Variants in LOC400499 observed in about 807,000 individuals in gnomAD.
chr16:11,505,829 C>T, the LOC400499 span, among the ~76,000 whole-genome samples: 32 of 152,114 alleles, frequency 2.1e-4, no homozygotes, highest in African/African-American at 7.0e-4. Context: ...CTAATCAAAT[C>T]AGGATAATTG....
chr16:11,405,195 G>A, the LOC400499 span, among the ~76,000 whole-genome samples: 2 of 152,222 alleles, frequency 1.3e-5, no homozygotes, highest in Non-Finnish European at 2.9e-5. Flanking sequence ...GCCAGAAAGT[G>A]TCAACCTTTG....
the LOC400499 span, among the ~76,000 whole-genome samples, chr16:11,436,376 T>C: frequency 2.0e-5 from 3 of 151,894 alleles, no homozygotes; most frequent in African/African-American, 7.3e-5. Flanking sequence ...GGGGTGAACA[T>C]GTAGCTAGTC....
At chr16:11,487,037 G>T in the LOC400499 span, among the ~76,000 whole-genome samples, 1 of 151,988 alleles carries the variant, frequency 6.6e-6, no homozygotes, top group Non-Finnish European at 1.5e-5. Context: ...GAGCAGGTCA[G>T]TGGATAGATG....
the LOC400499 span, among the ~76,000 whole-genome samples, chr16:11,465,799 G>C: frequency 8.1e-6 from 1 of 123,410 alleles, no homozygotes; most frequent in Non-Finnish European, 1.6e-5. Flanking sequence ...GAGAGAGGGG[G>C]AAAGAGACTG....
chr16:11,388,764 C>G, the LOC400499 span, among the ~76,000 whole-genome samples: 2 of 152,232 alleles, frequency 1.3e-5, no homozygotes, highest in Non-Finnish European at 2.9e-5. Context: ...TCCACTCTCC[C>G]TTGCAGGCAT....
At chr16:11,383,322 C>T in the LOC400499 span, among the ~76,000 whole-genome samples, 2 of 152,154 alleles carry the variant, frequency 1.3e-5, no homozygotes, top group Non-Finnish European at 2.9e-5. Flanking sequence ...CCACCTCAGC[C>T]TCCCAAAGTG....
chr16:11,376,941 C>CTTTT, the LOC400499 span, among the ~76,000 whole-genome samples: 30 of 142,948 alleles, frequency 2.1e-4, no homozygotes, highest in Non-Finnish European at 2.9e-4. Flanking sequence ...TGTAAATGGA[C>CTTTT]TTTTTTTTTT....
chr16:11,463,851 G>T, the LOC400499 span, among the ~76,000 whole-genome samples: 2 of 152,118 alleles, frequency 1.3e-5, no homozygotes, highest in African/African-American at 4.8e-5. Context: ...ATGTATGTGT[G>T]TAAAGAGATG....
the LOC400499 span, among the ~76,000 whole-genome samples, chr16:11,440,562 C>G: frequency 1.1e-4 from 16 of 152,314 alleles, no homozygotes; most frequent in East Asian, 2.9e-3. Flanking sequence ...GTCAATGCAT[C>G]CTGACTAATC....
chr16:11,485,613 T>C, the LOC400499 span, among the ~76,000 whole-genome samples: 2 of 152,194 alleles, frequency 1.3e-5, no homozygotes, highest in Non-Finnish European at 2.9e-5. Flanking sequence ...CACGCATCCA[T>C]CCATCCATCT....
chr16:11,392,040 CA>C, the LOC400499 span: 1 of 401,828 alleles, frequency 2.5e-6, no homozygotes, highest in Non-Finnish European at 4.4e-6. Flanking sequence ...CAGAGGCACC[CA>C]AGCCTTGAAC....
At chr16:11,457,767 C>T in the LOC400499 span, among the ~76,000 whole-genome samples, 1 of 152,168 alleles carries the variant, frequency 6.6e-6, no homozygotes, top group Non-Finnish European at 1.5e-5. Flanking sequence ...AAGCAACCCA[C>T]ATGTCCATCA....
chr16:11,449,017 G>T, the LOC400499 span: 6 of 1,524,100 alleles, frequency 3.9e-6, no homozygotes, highest in Non-Finnish European at 5.3e-6. Context: ...TTCTCAGCAT[G>T]GATCTCGCCC....
the LOC400499 span, among the ~76,000 whole-genome samples, chr16:11,438,553 T>G: frequency 6.8e-6 from 1 of 147,616 alleles, no homozygotes; most frequent in Non-Finnish European, 1.5e-5. Context: ...AGAGGATCAC[T>G]TGAGCCCAGG....
chr16:11,449,143 C>T, the LOC400499 span: 1 of 1,382,940 alleles, frequency 7.2e-7, no homozygotes, highest in Non-Finnish European at 9.6e-7. Flanking sequence ...AAGGCCTTTG[C>T]ACACCCTATT....
the LOC400499 span, among the ~76,000 whole-genome samples, chr16:11,427,350 C>CAAAAAAAA: frequency 2.6e-5 from 1 of 38,842 alleles, no homozygotes; most frequent in Non-Finnish European, 7.7e-5. Context: ...CTCCATCTCA[C>CAAAAAAAA]AAAAAAAAAA....
the LOC400499 span, chr16:11,396,447 G>C: frequency 8.2e-7 from 1 of 1,226,914 alleles, no homozygotes; most frequent in South Asian, 4.1e-5. Context: ...GCTGGCCAGG[G>C]AGGAACCGCA....
chr16:11,453,496 A>G, the LOC400499 span, among the ~76,000 whole-genome samples: 2 of 152,188 alleles, frequency 1.3e-5, no homozygotes, highest in Non-Finnish European at 2.9e-5. Context: ...CTTATACTCT[A>G]AGAGAAGACA....
chr16:11,378,371 C>G, the LOC400499 span, among the ~76,000 whole-genome samples: 1 of 150,786 alleles, frequency 6.6e-6, no homozygotes, highest in African/African-American at 2.4e-5. Context: ...TCAAGTGATT[C>G]TCCTGCCTCA....
Sources: gnomAD v4.1 joint callset for allele counts (sites outside exome capture counted in the v4.1 genomes callset) on GRCh38, gnomAD v4.1.1 for gene constraint, MANE v1.5 for transcripts.